KIAA1549L: variants seen among roughly 807,000 people sequenced by gnomAD.
KIAA1549L encodes KIAA1549 like, also known as UPF0606 protein KIAA1549L.
Under a neutral mutation model 160.7 loss-of-function variants are expected in KIAA1549L, and 88 were observed. That is an observed-to-expected ratio of 0.55 (90% CI 0.46 to 0.65). The LOEUF is 0.65. Among genes scored for constraint, KIAA1549L ranks in the 30% least tolerant of loss-of-function variants. The pLI is 0.00. For synonymous variants in KIAA1549L, 950 were observed against 976.7 expected (o/e 0.97, Z 0.51); for missense variants, 2,258 against 2,437.5 (o/e 0.93, Z 1.55).
chr11:33,478,813 T>C (rs533608194), intron 1 of KIAA1549L, among the ~76,000 whole-genome samples: 33 of 152,330 alleles, frequency 2.2e-4, no homozygotes, highest in Middle Eastern at 3.4e-3. Flanking sequence ...CTCGGCTCAC[T>C]GCAACCTCTG....
chr11:33,393,457 A>G (rs555066507), intron 1 of KIAA1549L, among the ~76,000 whole-genome samples: 2 of 152,358 alleles, frequency 1.3e-5, no homozygotes, highest in South Asian at 4.1e-4. Flanking sequence ...TCCCGGGTAC[A>G]ATGGGGTCCT....
chr11:33,446,252 G>C (rs1266160780), intron 1 of KIAA1549L, among the ~76,000 whole-genome samples: 2 of 152,018 alleles, frequency 1.3e-5, no homozygotes, highest in Non-Finnish European at 2.9e-5. Context: ...GTGCTACTGT[G>C]CCTGGCTAAT....
intron 19 of KIAA1549L, among the ~76,000 whole-genome samples, chr11:33,659,757 G>C (rs1852197506): frequency 6.6e-6 from 1 of 152,190 alleles, no homozygotes; most frequent in Non-Finnish European, 1.5e-5. Flanking sequence ...GACCACCAAG[G>C]TGTTATTTCC....
At chr11:33,454,037 A>G (rs1333428683) in intron 1 of KIAA1549L, among the ~76,000 whole-genome samples, 3 of 152,220 alleles carry the variant, frequency 2.0e-5, no homozygotes, top group African/African-American at 7.2e-5. Flanking sequence ...TACTGAGCAA[A>G]AAGTTAAATC....
chr11:33,396,719 A>G (rs1850381714), intron 1 of KIAA1549L, among the ~76,000 whole-genome samples: 1 of 152,164 alleles, frequency 6.6e-6, no homozygotes, highest in Admixed American at 6.5e-5. Flanking sequence ...TGGGAGGCTA[A>G]GGCAGGTGGA....
intron 1 of KIAA1549L, among the ~76,000 whole-genome samples, chr11:33,465,130 A>G (rs897246746): frequency 3.0e-5 from 4 of 132,544 alleles, no homozygotes; most frequent in African/African-American, 1.2e-4. Context: ...ATCTTGGCTC[A>G]CTGCAACCTC....
chr11:33,591,774 G>T (rs1590376352), intron 12 of KIAA1549L, among the ~76,000 whole-genome samples: 1 of 152,158 alleles, frequency 6.6e-6, no homozygotes, highest in South Asian at 2.1e-4. Context: ...CTCAATAGGG[G>T]TTTCTGATTT....
At chr11:33,660,781 A>G in intron 19 of KIAA1549L, 82 bp from the exon 20 acceptor site, 2 of 1,423,186 alleles carry the variant, frequency 1.4e-6, no homozygotes, top group African/African-American at 1.4e-5. Context: ...AGCCAATGAA[A>G]CTGACTTTAT....
chr11:33,615,650 A>G (rs1259014523), intron 15 of KIAA1549L, among the ~76,000 whole-genome samples: 3 of 152,142 alleles, frequency 2.0e-5, no homozygotes. Flanking sequence ...CCTCCGAGAC[A>G]AAAGTAGACT....
intron 1 of KIAA1549L, among the ~76,000 whole-genome samples, chr11:33,477,478 A>G (rs1457477683): frequency 6.6e-6 from 1 of 151,832 alleles, no homozygotes; most frequent in Non-Finnish European, 1.5e-5. Flanking sequence ...GTGATGAATA[A>G]TCTGTGGTGG....
At chr11:33,531,014 C>T (rs1383498520) in intron 1 of KIAA1549L, among the ~76,000 whole-genome samples, 1 of 152,162 alleles carries the variant, frequency 6.6e-6, no homozygotes, top group African/African-American at 2.4e-5. Context: ...CAGTATGAGT[C>T]ATGGTTTTCT....
At chr11:33,619,226 T>A (rs1237936534) in intron 16 of KIAA1549L, among the ~76,000 whole-genome samples, 1 of 152,166 alleles carries the variant, frequency 6.6e-6, no homozygotes, top group Non-Finnish European at 1.5e-5. Context: ...ATTTGGTGCC[T>A]CATCTCCGGT....
intron 10 of KIAA1549L, among the ~76,000 whole-genome samples, chr11:33,576,471 T>G (rs1316403107): frequency 6.6e-6 from 1 of 152,206 alleles, no homozygotes; most frequent in Non-Finnish European, 1.5e-5. Context: ...CTCAACAGCT[T>G]GCTTCATCTG....
At chr11:33,472,608 C>T (rs1286259736) in intron 1 of KIAA1549L, among the ~76,000 whole-genome samples, 4 of 152,150 alleles carry the variant, frequency 2.6e-5, no homozygotes, top group African/African-American at 9.7e-5. Flanking sequence ...CTTTCTGTTA[C>T]AGAGGCTCCT....
intron 1 of KIAA1549L, among the ~76,000 whole-genome samples, chr11:33,537,681 A>G (rs966396863): frequency 6.6e-6 from 1 of 152,142 alleles, no homozygotes; most frequent in African/African-American, 2.4e-5. Flanking sequence ...TAACACATCC[A>G]GTTTCTTTTT....
intron 1 of KIAA1549L, among the ~76,000 whole-genome samples, chr11:33,504,487 A>G (rs1170281265): frequency 6.6e-6 from 1 of 150,528 alleles, no homozygotes; most frequent in African/African-American, 2.5e-5. Context: ...CCTTTTTTTG[A>G]GACAGAGTCC....
At chr11:33,567,991 C>G in intron 8 of KIAA1549L, 85 bp from the exon 9 acceptor site, 1 of 1,378,284 alleles carries the variant, frequency 7.3e-7, no homozygotes, top group Non-Finnish European at 9.6e-7. Flanking sequence ...CCTTGGTGGC[C>G]TGTGCAGGGT....
At position 33,542,809 on chromosome 11, in the gene KIAA1549L, G is replaced by T. The variant is rs374902827; in HGVS notation, c.1246G>T (p.Ala416Ser). The T allele has an allele frequency of 6.2e-7, 1 of 1,613,822 alleles. No homozygotes were observed. The stretch of plus-strand genomic sequence containing the variant: ...GAATACAGAAACAGCGACCCATGAG[G>T]CTGAGCCTCCACTTTTCCAGACTGC... The part of the protein sequence containing the change: ...FKNTETATHE[A>S]EPPLFQTAES... Residue 416 changes from alanine to serine, a missense_variant, in exon 2 of 21, where the codon GCT (alanine) becomes TCT (serine). This residue lies in a region of KIAA1549L where 540 missense variants were observed against 465.7 expected (regional missense o/e 1.16). Coordinates refer to ENST00000658780, the MANE Select transcript of KIAA1549L (RefSeq NM_012194.3).
At chr11:33,498,092 C>T (rs1018332580) in intron 1 of KIAA1549L, among the ~76,000 whole-genome samples, 1 of 152,096 alleles carries the variant, frequency 6.6e-6, no homozygotes, top group African/African-American at 2.4e-5. Flanking sequence ...AGTTTGATAC[C>T]AGCCTGGGCA....
Sources: gnomAD v4.1 joint callset for allele counts (sites outside exome capture counted in the v4.1 genomes callset) on GRCh38, gnomAD v4.1.1 for gene constraint, gnomAD v4.1.1 regional missense constraint, MANE v1.5 for transcripts, NCBI Gene and HGNC (gene_info 2026-07-23, HGNC 2026-07-21) for gene names.